The following TRAPPC9 variants were observed in gnomAD, a reference collection of about 807,000 sequenced individuals.
The protein encoded by TRAPPC9 is trafficking protein particle complex subunit 9, also known as IKK2 binding protein.
A neutral mutation model predicts 124.0 loss-of-function variants in TRAPPC9; 83 were observed. That is an observed-to-expected ratio of 0.67 (90% CI 0.56 to 0.80). The LOEUF (loss-of-function observed/expected upper bound fraction) is 0.80. Ranked by LOEUF, TRAPPC9 falls within the 30% of genes least tolerant of loss-of-function variation. TRAPPC9 has a pLI of 0.00. For missense variants in TRAPPC9, 1,302 were observed against 1,508.3 expected (o/e 0.86, Z 2.27); for synonymous variants, 638 against 617.5 (o/e 1.03, Z -0.49).
At chr8:140,196,946 A>C (rs1484237825) in intron 17 of TRAPPC9, among the ~76,000 whole-genome samples, 1 of 151,768 alleles carries the variant, frequency 6.6e-6, no homozygotes, top group East Asian at 2.0e-4. Flanking sequence ...ACAACGATCC[A>C]CGCGTGAACT....
intron 9 of TRAPPC9, among the ~76,000 whole-genome samples, chr8:140,334,466 G>A (rs942435230): frequency 2.1e-4 from 32 of 152,070 alleles, no homozygotes; most frequent in African/African-American, 6.5e-4. Flanking sequence ...CCTAGCCAAC[G>A]TGGTGAAACC....
chr8:139,965,408 T>TA, intron 19 of TRAPPC9, among the ~76,000 whole-genome samples: 1 of 152,160 alleles, frequency 6.6e-6, no homozygotes, highest in Non-Finnish European at 1.5e-5. Context: ...GCCACCTCAT[T>TA]AGCTTCCTTT....
intron 19 of TRAPPC9, among the ~76,000 whole-genome samples, chr8:139,947,907 T>G (rs10216943): frequency 0.57 from 34,523 of 60,752 alleles, 11,839 homozygotes; most frequent in East Asian, 0.8. Context: ...TATATATATA[T>G]AGAGAGAGAG....
intron 21 of TRAPPC9, among the ~76,000 whole-genome samples, chr8:139,766,156 GA>G (rs1174193022): frequency 1.3e-5 from 2 of 152,252 alleles, no homozygotes; most frequent in Non-Finnish European, 2.9e-5. Context: ...CGCAGAGATG[GA>G]AAGAAAGAGG....
At chr8:140,269,233 T>C (rs2064795742) in intron 15 of TRAPPC9, among the ~76,000 whole-genome samples, 1 of 141,470 alleles carries the variant, frequency 7.1e-6, no homozygotes, top group Non-Finnish European at 1.5e-5. Context: ...TACTTTAAAC[T>C]GCATTAAAAA....
intron 19 of TRAPPC9, among the ~76,000 whole-genome samples, chr8:139,954,782 A>G (rs2131526902): frequency 6.6e-6 from 1 of 152,210 alleles, no homozygotes; most frequent in East Asian, 1.9e-4. Context: ...ACAGCGTGTC[A>G]GTGAAGATTT....
At chr8:139,903,494 G>T (rs1418766601) in intron 20 of TRAPPC9, among the ~76,000 whole-genome samples, 1 of 152,142 alleles carries the variant, frequency 6.6e-6, no homozygotes, top group Non-Finnish European at 1.5e-5. Context: ...GCTCTCCAAA[G>T]GGTGATTTGC....
intron 17 of TRAPPC9, among the ~76,000 whole-genome samples, chr8:140,065,784 C>T (rs1238403142): frequency 6.6e-6 from 1 of 152,222 alleles, no homozygotes; most frequent in African/African-American, 2.4e-5. Flanking sequence ...CGTAAGACAG[C>T]TGATGGAGAT....
rs564829451 is a variant in TRAPPC9 at position 140,155,359 on chromosome 8, A to G, written c.2556+66100T>C. ...AAGCTGCGGGTGGTAGCTACGGGAA[A>G]AAGCGTGTGCTCCCACCACTGGCTG... On this transcript the variant is annotated intron_variant, in intron 17 of 22. Transcript: ENST00000438773. 2.0e-5 allele frequency among the ~76,000 whole-genome samples: 3 copies of G among 152,242 alleles called. No homozygotes were observed. In the East Asian group the frequency reaches 5.8e-4, roughly 29 times the overall value.
At chr8:140,118,215 A>G (rs1180724200) in intron 17 of TRAPPC9, among the ~76,000 whole-genome samples, 1 of 152,234 alleles carries the variant, frequency 6.6e-6, no homozygotes, top group Non-Finnish European at 1.5e-5. Context: ...CACCCACAGA[A>G]CAGACCAGCC....
intron 5 of TRAPPC9, among the ~76,000 whole-genome samples, chr8:140,419,737 T>A (rs2070131776): frequency 6.6e-6 from 1 of 151,254 alleles, no homozygotes; most frequent in South Asian, 2.1e-4. Context: ...TACAAAAAAA[T>A]TAGCCGGGCG....
At chr8:139,931,520 CA>C (rs1445671709) in intron 19 of TRAPPC9, 1 of 152,176 alleles carries the variant, frequency 6.6e-6, no homozygotes, top group African/African-American at 2.4e-5. Context: ...CCACCTAGTC[CA>C]AAGCTCTCAT....
At chr8:139,989,462 T>C (rs1384768127) in intron 18 of TRAPPC9, among the ~76,000 whole-genome samples, 1 of 152,246 alleles carries the variant, frequency 6.6e-6, no homozygotes, top group African/African-American at 2.4e-5. Context: ...CAAGTTCCCA[T>C]TGTTCCTTGC....
intron 17 of TRAPPC9, chr8:140,099,710 G>T (rs1465639439): frequency 6.6e-6 from 1 of 152,174 alleles, no homozygotes; most frequent in African/African-American, 2.4e-5. Flanking sequence ...AATCCACAGG[G>T]TACTGACACC....
chr8:140,129,975 C>T lies in TRAPPC9; in HGVS notation c.2556+91484G>A, dbSNP rs118046494. Among the ~76,000 whole-genome samples, 1,396 of 152,272 alleles carry T rather than the reference C, an allele frequency of 9.2e-3. 11 individuals are homozygous for T. Among genetic ancestry groups the T allele is most frequent in the Non-Finnish European group, 0.016 (1,101 of 68,026 alleles). On this transcript the variant is annotated intron_variant, in intron 17 of 22. Coordinates refer to ENST00000438773, the MANE Select transcript of TRAPPC9 (RefSeq NM_001160372.4). ...AACTGTGGCTTCGGAGGAATCAGGG[C>T]CCCTGGAGAGATGACTGATTGCAGG...
chr8:140,457,663 G>A lies in TRAPPC9; in HGVS notation c.-35C>T. 1 of 986,584 alleles carries A rather than the reference G, an allele frequency of 1.0e-6. No homozygotes were observed. The highest frequency in any genetic ancestry group is 5.2e-4 in the Middle Eastern group (1 of 1,914). 61.1% of individuals were successfully genotyped at this position (986,584 alleles called of 1,614,324 possible). On this transcript the variant is annotated 5_prime_UTR_variant, in exon 1 of 23. Transcript: ENST00000438773. ...CACAGCCGGTGGCCCCGGGCCCGGA[G>A]CGGGAGCCCACGACCTGGCGGGCAG...
chr8:140,361,790 C>A (rs749032419), intron 8 of TRAPPC9, among the ~76,000 whole-genome samples: 2 of 152,076 alleles, frequency 1.3e-5, no homozygotes, highest in Non-Finnish European at 2.9e-5. Context: ...GAAGACTGTG[C>A]GTTACTTACT....
chr8:140,324,642 T>C (rs2066691275), intron 9 of TRAPPC9, among the ~76,000 whole-genome samples: 1 of 152,104 alleles, frequency 6.6e-6, no homozygotes, highest in Non-Finnish European at 1.5e-5. Context: ...TGGTAGTACG[T>C]GCCCATGGGC....
Position 140,407,394 on chromosome 8 carries a change from A to T in TRAPPC9, c.887-1696T>A, listed in dbSNP as rs192000740. Among the ~76,000 whole-genome samples, 930 of 137,804 alleles carry T rather than the reference A, an allele frequency of 6.7e-3. 6 individuals carry two copies. The highest frequency in any genetic ancestry group is 7.3e-3 in the Non-Finnish European group (476 of 64,780). The allele number at this position is 137,804 out of a possible 152,430, so 90.4% of individuals were successfully genotyped here. On this transcript the variant is annotated intron_variant, in intron 5 of 22. Coordinates refer to ENST00000438773, the MANE Select transcript of TRAPPC9 (RefSeq NM_001160372.4). ...AATTATCTTCACATTGTTGAGTTTT[A>T]CTCTCTTTTTTTCCCTTGGAGAAAT...
Sources: gnomAD v4.1 joint callset for allele counts (sites outside exome capture counted in the v4.1 genomes callset) on GRCh38, gnomAD v4.1.1 for gene constraint, MANE v1.5 for transcripts, NCBI Gene and HGNC (gene_info 2026-07-23, HGNC 2026-07-21) for gene names.